AK1: variants seen among roughly 807,000 people sequenced by gnomAD.
AK1 encodes the protein adenylate kinase 1.
Under a neutral mutation model 23.9 loss-of-function variants are expected in AK1, and 13 were observed. The ratio of observed to expected loss-of-function variants is 0.54; its 90% CI spans 0.35 to 0.86. The LOEUF (loss-of-function observed/expected upper bound fraction) is 0.86. AK1 is among the 40% of genes least tolerant of loss of function. AK1 has a pLI of 0.01. For synonymous variants in AK1, 97 were observed against 102.8 expected (o/e 0.94, Z 0.34); for missense variants, 214 against 255.1 (o/e 0.84, Z 1.10).
Position 127,868,626 on chromosome 9 carries a change from T to C in AK1, c.325-114A>G. ...ATACCCCCTCAGACCTTCAATCCCT[T>C]CCCCAAGGCAGCCTGAAAGACCTTC... On this transcript the variant is annotated intron_variant, in intron 5 of 6. Transcript: ENST00000644144. This position sits in a 1 kb window ranked among gnomAD's most constrained non-coding sequence, Gnocchi z 4.1. The C allele has an allele frequency of 8.0e-7, 1 of 1,252,096 alleles. No homozygotes were observed. The allele number at this position is 1,252,096 out of a possible 1,614,324, so 77.6% of individuals were successfully genotyped here.
chr9:127,871,133 T>C lies in AK1; in HGVS notation c.324+690A>G, dbSNP rs2131399607. The stretch of plus-strand genomic sequence containing the variant: ...CCTTGTGTGTATGAACTTGTGGGGC[T>C]TGTGCATGTGTATGTGCAAGCGTCC... On this transcript the variant is annotated intron_variant, in intron 5 of 6. Coordinates refer to ENST00000644144, the MANE Select transcript of AK1 (RefSeq NM_000476.3). This position sits in a 1 kb window ranked among gnomAD's most constrained non-coding sequence, Gnocchi z 4.4. Among the ~76,000 whole-genome samples the C allele has an allele frequency of 6.6e-6, 1 of 151,902 alleles. No homozygotes were observed. Among genetic ancestry groups the C allele is most frequent in the Middle Eastern group, 3.4e-3 (1 of 294 alleles).
Position 127,871,534 on chromosome 9 carries a change from A to G in AK1, c.324+289T>C, listed in dbSNP as rs1407232720. ...TCCTCCCACTCCCTGCATTTTGCAG[A>G]TGGGAAAACTGAGGTTCAGGAGGCA... On this transcript the variant is annotated intron_variant, in intron 5 of 6. Coordinates refer to ENST00000644144, the MANE Select transcript of AK1 (RefSeq NM_000476.3). This position sits in a 1 kb window ranked among gnomAD's most constrained non-coding sequence, Gnocchi z 4.4. Among the ~76,000 whole-genome samples the G allele has an allele frequency of 6.6e-6, 1 of 151,572 alleles. No individual in the cohort carries two copies.
At chr9:127,876,240 C>T (rs1043794241) in intron 1 of AK1, among the ~76,000 whole-genome samples, 3 of 152,240 alleles carry the variant, frequency 2.0e-5, no homozygotes, top group Non-Finnish European at 4.4e-5. Flanking sequence ...TCCTGGAAAC[C>T]TGCCCTGCAC....
At chr9:127,874,267 C>T in intron 2 of AK1, 1 of 985,362 alleles carries the variant, frequency 1.0e-6, no homozygotes, top group Non-Finnish European at 1.2e-6. Context: ...AAACTGAGTC[C>T]CGGAGAGGTA....
chr9:127,872,936 G>C, intron 3 of AK1, 83 bp from the exon 4 acceptor site: 1 of 1,613,052 alleles, frequency 6.2e-7, no homozygotes, highest in Non-Finnish European at 8.5e-7. Flanking sequence ...CAGAGAGGGA[G>C]GGGCAGAGCC....
In AK1 at chr9:127,873,070, G is replaced by A. The variant is rs1275149867; in HGVS notation, c.8-9C>T. 1 of 1,613,480 alleles carries A rather than the reference G, an allele frequency of 6.2e-7. No homozygotes were observed. The highest frequency in any genetic ancestry group is 1.7e-5 in the Admixed American group (1 of 59,940). The stretch of plus-strand genomic sequence containing the variant: ...GGTTTTCTTCAGCTTCTCTGCGGGA[G>A]AGAAAAGGGGAGCAGGGCTCAGTCA... On this transcript the variant is annotated splice_polypyrimidine_tract_variant and intron_variant, in intron 2 of 6. Transcript: ENST00000644144.
upstream of AK1, chr9:127,878,500 T>G (rs1645859894): frequency 6.6e-6 from 1 of 152,244 alleles, no homozygotes; most frequent in Admixed American, 6.5e-5. Flanking sequence ...GCCACGTGTT[T>G]ATCCAGCGTT....
rs1265470478 is a variant in AK1 at position 127,867,097 on chromosome 9, A to T, written c.*911T>A. ...GCAATCTTGGCTCATTGCAAGCTCC[A>T]CCTCCCGGGTTCACGCCATTCTCCT... On this transcript the variant is annotated 3_prime_UTR_variant, in exon 7 of 7. Coordinates refer to ENST00000644144, the MANE Select transcript of AK1 (RefSeq NM_000476.3). 7.4e-6 allele frequency: 1 copy of T among 134,782 alleles called. No homozygotes were observed. The highest frequency in any genetic ancestry group is 1.5e-5 in the Non-Finnish European group (1 of 65,444). The allele number at this position is 134,782 out of a possible 1,614,324, so 8.3% of individuals were successfully genotyped here.
Position 127,875,396 on chromosome 9 carries a change from A to G in AK1, c.-32-747T>C, listed in dbSNP as rs1409722170. ...TGCCACAGCCCCCAGGACCTCCCCT[A>G]CCTCGCCCCCCTATCTCAGAACTGC... is the stretch of plus-strand genomic sequence containing the variant. On this transcript the variant is annotated intron_variant, in intron 1 of 6. Transcript: ENST00000644144. 2.9e-5 allele frequency among the ~76,000 whole-genome samples: 3 copies of G among 102,408 alleles called. No individual in the cohort carries two copies. The Admixed American group carries it at 3.3e-4, about 11-fold the overall frequency. The allele number at this position is 102,408 out of a possible 152,430, so 67.2% of individuals were successfully genotyped here.
Position 127,867,603 on chromosome 9 carries a change from G to A in AK1, c.*405C>T. The A allele has an allele frequency of 3.7e-6, 1 of 273,874 alleles. No individual in the cohort carries two copies. Among genetic ancestry groups the A allele is most frequent in the Non-Finnish European group, 7.2e-6 (1 of 139,264 alleles). The allele number at this position is 273,874 out of a possible 1,614,324, so 17.0% of individuals were successfully genotyped here. A position where few individuals can be genotyped will look rare whatever the true frequency, so the allele number is the denominator to read the frequency against. ...AGGAGCCCAGGCTGGGACCGGTTCT[G>A]CCTGAACATGAGCCCCTCGGAGCAG... On this transcript the variant is annotated 3_prime_UTR_variant, in exon 7 of 7. Coordinates refer to ENST00000644144, the MANE Select transcript of AK1 (RefSeq NM_000476.3).
rs1188046427 is a variant in AK1, at chr9:127,868,119, T to G, written c.517-43A>C. 2 of 1,605,856 alleles carry G rather than the reference T, an allele frequency of 1.2e-6. No individual in the cohort carries two copies. Among genetic ancestry groups the G allele is most frequent in the Non-Finnish European group, 1.7e-6 (2 of 1,173,038 alleles). On this transcript the variant is annotated intron_variant, in intron 6 of 6. Coordinates refer to ENST00000644144, the MANE Select transcript of AK1 (RefSeq NM_000476.3). This position sits in a 1 kb window ranked among gnomAD's most constrained non-coding sequence, Gnocchi z 4.1. Reference sequence around the variant, plus strand: ...GTGAGGGCTGAGTCACCAGGTGGAGTGGGGTGGGCCTCACCATGGCAGGCC... The same window carrying G: ...GTGAGGGCTGAGTCACCAGGTGGAGGGGGGTGGGCCTCACCATGGCAGGCC...
chr9:127,869,159 C>T (rs780497407), intron 5 of AK1, among the ~76,000 whole-genome samples: 12 of 152,148 alleles, frequency 7.9e-5, no homozygotes, highest in Non-Finnish European at 1.5e-4. Flanking sequence ...TCCATGTCAT[C>T]CATGGGACGC....
chr9:127,868,017 G>A lies in AK1; in HGVS notation c.576C>T (p.Ala192=), dbSNP rs1265108050. The change falls in exon 7 of 7, where the codon GCC becomes GCT. Residue 192 remains alanine (A), a synonymous_variant. Transcript: ENST00000644144. The surrounding 1 kb of genome is among the most constrained non-coding windows in gnomAD (Gnocchi z 4.1). ...AGCGGCTCCAGCGTTGCTACTTTAG[G>A]GCGTCCAGGTGGGTGCAGACCTGGG... ...VFSQVCTHLD[A]LK is the part of the protein sequence containing the mutation. 6.2e-7 allele frequency: 1 copy of A among 1,614,054 alleles called. No homozygotes were observed. Among genetic ancestry groups the A allele is most frequent in the African/African-American group, 1.3e-5 (1 of 74,924 alleles).
intron 2 of AK1, chr9:127,873,614 G>T: frequency 7.1e-7 from 1 of 1,410,626 alleles, no homozygotes; most frequent in Non-Finnish European, 9.2e-7. Context: ...TGGAACTCTT[G>T]CCCAGAGAGG....
rs145476677 is a variant in AK1, at chr9:127,871,218, G to C, written c.324+605C>G. 6.6e-6 allele frequency among the ~76,000 whole-genome samples: 1 copy of C among 151,780 alleles called. No homozygotes were observed. Among genetic ancestry groups the C allele is most frequent in the East Asian group, 1.9e-4 (1 of 5,188 alleles). ...GAAGGTGTATCTGCAGGATGCTCGT[G>C]CTAGGAAGCTCAGGGCCATCATTTT... On this transcript the variant is annotated intron_variant, in intron 5 of 6. Transcript: ENST00000644144. The surrounding 1 kb of genome is among the most constrained non-coding windows in gnomAD (Gnocchi z 4.4).
chr9:127,875,969 C>T (rs1291573500), intron 1 of AK1, among the ~76,000 whole-genome samples: 1 of 152,258 alleles, frequency 6.6e-6, no homozygotes, highest in Admixed American at 6.5e-5. Context: ...TATCAGACCA[C>T]ATCACACACC....
chr9:127,869,342 A>G (rs1475077149), intron 5 of AK1: 2 of 153,340 alleles, frequency 1.3e-5, no homozygotes, highest in African/African-American at 4.8e-5. Flanking sequence ...TGCCTGGGCC[A>G]GCCCCCAAGG....
upstream of AK1, among the ~76,000 whole-genome samples, chr9:127,878,078 G>A (rs1449430916): frequency 3.3e-5 from 5 of 152,224 alleles, no homozygotes; most frequent in African/African-American, 1.2e-4. Flanking sequence ...CCAGACCAGG[G>A]AGCGAGAGGG....
chr9:127,868,496 A>T lies in AK1; in HGVS notation c.341T>A (p.Leu114Gln). ...EFERRIGQPTLLLYVDAGPET... is the reference protein window; with the variant it reads ...EFERRIGQPTQLLYVDAGPET... ...AGGGCCTGCGTCCACATACAGCAGC[A>T]GTGTGGGCTGTCCAATCTGCAGGCG... The change falls in exon 6 of 7, where the codon CTG (leucine) becomes CAG (glutamine). Residue 114 changes from leucine (L) to glutamine (Q), a missense_variant. By Grantham distance (113) the Leu-to-Gln change is moderately radical (BLOSUM62 -2). Transcript: ENST00000644144. The surrounding 1 kb of genome is among the most constrained non-coding windows in gnomAD (Gnocchi z 4.1). 6.3e-7 allele frequency: 1 copy of T among 1,590,460 alleles called. No homozygotes were observed. The highest frequency in any genetic ancestry group is 8.6e-7 in the Non-Finnish European group (1 of 1,167,956).
Sources: gnomAD v4.1 joint callset for allele counts (sites outside exome capture counted in the v4.1 genomes callset) on GRCh38, gnomAD v4.1.1 for gene constraint, Gnocchi (gnomAD v3.1) non-coding constraint, MANE v1.5 for transcripts, NCBI Gene and HGNC (gene_info 2026-07-23, HGNC 2026-07-21) for gene names.